Variants in NCAPD3 observed in about 807,000 individuals in gnomAD.
NCAPD3 encodes the protein condensin-2 complex subunit D3.
In NCAPD3, 105 loss-of-function variants were observed where a neutral mutation model predicts 182.9. The observed-to-expected ratio is 0.57, with a 90% CI of 0.49 to 0.68. NCAPD3 has a LOEUF of 0.68. Among genes scored for constraint, NCAPD3 ranks in the 30% least tolerant of loss-of-function variants. NCAPD3 has a pLI of 0.00. For missense variants in NCAPD3, 1,944 were observed against 1,837.0 expected, an observed-to-expected ratio of 1.06 and a Z score of -1.07; for synonymous variants, 815 against 679.9, an observed-to-expected ratio of 1.20 and a Z score of -3.09.
intron 16 of NCAPD3, among the ~76,000 whole-genome samples, chr11:134,188,485 C>T (rs564098590): frequency 1.1e-4 from 16 of 151,374 alleles, no homozygotes; most frequent in Non-Finnish European, 2.1e-4. Flanking sequence ...GTAAATCTTA[C>T]TGCTGCTCAC....
At chr11:134,183,285 A>T in intron 19 of NCAPD3, 1 of 391,600 alleles carries the variant, frequency 2.6e-6, no homozygotes, top group South Asian at 1.9e-5. Flanking sequence ...CCTCCTGATC[A>T]CTCTTTCCTC....
chr11:134,195,501 T>TATTA (rs1944609136), intron 13 of NCAPD3, among the ~76,000 whole-genome samples: 1 of 152,244 alleles, frequency 6.6e-6, no homozygotes, highest in African/African-American at 2.4e-5. Context: ...TAAAAATATT[T>TATTA]ATTAATTCAT....
chr11:134,154,479 C>G lies in NCAPD3; in HGVS notation c.4253-1116G>C, dbSNP rs867257167. Among the ~76,000 whole-genome samples, 141 of 127,704 alleles carry G rather than the reference C, an allele frequency of 1.1e-3. 2 individuals carry two copies. The highest frequency in any genetic ancestry group is 4.7e-3 in the African/African-American group (137 of 29,284). The allele number at this position is 127,704 out of a possible 152,430, so 83.8% of individuals were successfully genotyped here. A position where few individuals can be genotyped will look rare whatever the true frequency, so the allele number is the denominator to read the frequency against. ...GTCTGCACATTATGCTTCTCTGCAC[C>G]CCCCCCCCCACCGCCCCATCTGCCT... On this transcript the variant is annotated intron_variant, in intron 32 of 34. Transcript: ENST00000534548.
At chr11:134,212,899 C>T (rs886647950) in intron 3 of NCAPD3, among the ~76,000 whole-genome samples, 5 of 151,820 alleles carry the variant, frequency 3.3e-5, no homozygotes, top group African/African-American at 1.2e-4. Flanking sequence ...AAAAATTGAG[C>T]AAAAAACAGG....
rs1212035432 is a variant in NCAPD3, at chr11:134,185,453, T to C, written c.2119A>G (p.Ile707Val). ...GAATGTTCCGTGCCAGTGTGAGATA[T>C]TACATTGTTTATAAAAGTGGGTGAG... The part of the protein sequence containing the change: ...KFSPTFINNV[I>V]SHTGTEHSAP... Residue 707 changes from isoleucine (I) to valine (V), a missense_variant, in exon 17 of 35, where the codon ATA becomes GTA. By Grantham distance (29) the Ile-to-Val change is conservative. Around this residue, in one of 3 missense-constraint regions of NCAPD3, gnomAD observed 1,803 missense variants for 1,674.6 expected, o/e 1.08. Coordinates refer to ENST00000534548, the MANE Select transcript of NCAPD3 (RefSeq NM_015261.3). 1 of 1,613,746 alleles carries C rather than the reference T, an allele frequency of 6.2e-7. No individual in the cohort carries two copies. Among genetic ancestry groups the C allele is most frequent in the Non-Finnish European group, 8.5e-7 (1 of 1,179,858 alleles).
At chr11:134,205,548 G>T (rs761963163) in intron 8 of NCAPD3, among the ~76,000 whole-genome samples, 3 of 151,868 alleles carry the variant, frequency 2.0e-5, no homozygotes, top group Non-Finnish European at 4.4e-5. Context: ...CCTAGTTTCT[G>T]TATTTTTTAG....
chr11:134,208,876 T>A lies in NCAPD3; in HGVS notation c.870A>T (p.Gly290=). The A allele has an allele frequency of 6.2e-7, 1 of 1,612,460 alleles. No homozygotes were observed. The highest frequency in any genetic ancestry group is 8.5e-7 in the Non-Finnish European group (1 of 1,179,142). Residue 290 remains glycine, a synonymous_variant, in exon 7 of 35, where the codon GGA becomes GGT. Transcript: ENST00000534548. ...GLYLLCSPIH[G]EGDKVISCVF... ...TCATCTCCTTTACCTTATCTCCTTC[T>A]CCATGAATGGGAGAGCACAGCAAAT...
chr11:134,158,572 T>G, intron 29 of NCAPD3, 77 bp from the exon 30 acceptor site: 3 of 1,455,798 alleles, frequency 2.1e-6, no homozygotes, highest in Non-Finnish European at 2.8e-6. Context: ...TAGTTGTACA[T>G]GGTTGGGGGT....
chr11:134,206,768 T>C (rs1292298730), intron 7 of NCAPD3, 36 bp from the exon 8 acceptor site: 2 of 1,591,590 alleles, frequency 1.3e-6, no homozygotes, highest in African/African-American at 2.7e-5. Context: ...TAAGATCGGA[T>C]GGAGAACACA....
intron 22 of NCAPD3, 116 bp from the exon 23 acceptor site, chr11:134,177,573 T>C (rs1944200417): frequency 3.4e-6 from 3 of 871,000 alleles, no homozygotes; most frequent in Non-Finnish European, 5.3e-6. Context: ...TAAAACATCA[T>C]GCCCACAATC....
At chr11:134,174,865 C>G (rs1382893861) in intron 24 of NCAPD3, among the ~76,000 whole-genome samples, 1 of 152,096 alleles carries the variant, frequency 6.6e-6, no homozygotes, top group African/African-American at 2.4e-5. Context: ...ATAATTATTA[C>G]ACGTCAAATA....
chr11:134,211,729 T>G (rs1937839623), intron 3 of NCAPD3, among the ~76,000 whole-genome samples: 1 of 151,952 alleles, frequency 6.6e-6, no homozygotes, highest in African/African-American at 2.4e-5. Context: ...AAACAGAACT[T>G]CCTTGATCTG....
At chr11:134,154,531 C>CAGGTGGTGCAGCCTAACCCCTCCT (rs1565513623) in intron 32 of NCAPD3, among the ~76,000 whole-genome samples, 1 of 118,914 alleles carries the variant, frequency 8.4e-6, no homozygotes, top group East Asian at 2.6e-4. Context: ...CTTGGAGGCC[C>CAGGTGGTGCAGCCTAACCCCTCCT]GGGTGGTGCA....
intron 19 of NCAPD3, among the ~76,000 whole-genome samples, chr11:134,184,039 T>C (rs758815986): frequency 2.0e-5 from 3 of 152,254 alleles, no homozygotes; most frequent in Non-Finnish European, 4.4e-5. Context: ...AATAAAATTA[T>C]TTCTTCAGTT....
chr11:134,224,471 G>A (rs151277962), upstream of NCAPD3: 533 of 154,850 alleles, frequency 3.4e-3, no homozygotes, highest in Non-Finnish European at 5.4e-3. Context: ...GGGACTGCGC[G>A]GCACGCGTGG....
Position 134,203,688 on chromosome 11 carries a change from A to G in NCAPD3, c.1434T>C (p.Ser478=). 2 of 1,613,918 alleles carry G rather than the reference A, an allele frequency of 1.2e-6. No individual in the cohort carries two copies. Among genetic ancestry groups the G allele is most frequent in the South Asian group, 2.2e-5 (2 of 91,070 alleles). Reference sequence around the variant, plus strand: ...GGAGCTCCAGGATACTCTCCGACGCACTGGTAACAGTCAACTCCAGACAGT... The same window carrying G: ...GGAGCTCCAGGATACTCTCCGACGCGCTGGTAACAGTCAACTCCAGACAGT... ...FAHCLELTVT[S]ASESILELLI... Residue 478 remains serine, a synonymous_variant, in exon 11 of 35, where the codon AGT becomes AGC. Coordinates refer to ENST00000534548, the MANE Select transcript of NCAPD3 (RefSeq NM_015261.3).
At chr11:134,176,060 T>A (rs1338328870) in intron 24 of NCAPD3, among the ~76,000 whole-genome samples, 1 of 152,074 alleles carries the variant, frequency 6.6e-6, no homozygotes. Flanking sequence ...CAGCAAACAC[T>A]GTCAGCAAGT....
chr11:134,192,762 G>A lies in NCAPD3; in HGVS notation c.1972C>T (p.His658Tyr). Residue 658 changes from histidine (H) to tyrosine (Y), a missense_variant, in exon 16 of 35, where the codon CAC becomes TAC. Coordinates refer to ENST00000534548, the MANE Select transcript of NCAPD3 (RefSeq NM_015261.3). ...AGGACCTGGCTGTCGTCCCCAGAGT[G>A]AAAATGACTGTGATGCCGGATGTTC... ...LQNIRHHSHF[H>Y]SGDDSQVLAW... 6.2e-7 allele frequency: 1 copy of A among 1,614,226 alleles called. No individual in the cohort carries two copies. Among genetic ancestry groups the A allele is most frequent in the Non-Finnish European group, 8.5e-7 (1 of 1,180,048 alleles).
At chr11:134,159,229 C>T (rs758751242) in intron 29 of NCAPD3, among the ~76,000 whole-genome samples, 2 of 152,172 alleles carry the variant, frequency 1.3e-5, no homozygotes, top group Non-Finnish European at 1.5e-5. Flanking sequence ...TTTTTTGGAA[C>T]CTCTATACTG....
Sources: allele counts gnomAD v4.1 joint callset (sites outside exome capture counted in the v4.1 genomes callset), GRCh38; gene constraint gnomAD v4.1.1; regional missense constraint gnomAD v4.1.1; transcripts MANE v1.5; gene names NCBI Gene and HGNC (gene_info 2026-07-23, HGNC 2026-07-21).